The following TMCC2 variants were observed in gnomAD, a reference collection of about 807,000 sequenced individuals.
The protein encoded by TMCC2 is transmembrane and coiled-coil domains protein 2.
In TMCC2, 16 loss-of-function variants were observed where a neutral mutation model predicts 49.4. The observed-to-expected ratio is 0.32, with a 90% confidence interval of 0.22 to 0.49. The LOEUF (loss-of-function observed/expected upper bound fraction) is 0.49, where lower values mean the gene tolerates loss of function less well. TMCC2 is among the 20% of genes least tolerant of loss of function. The probability of loss-of-function intolerance (pLI) is 0.99; values close to 1 mark genes in which losing one functional copy is unlikely to be tolerated. For missense variants in TMCC2, 762 were observed against 989.8 expected (o/e 0.77, Z 3.09); for synonymous variants, 397 against 434.1 (o/e 0.91, Z 1.06).
At chr1:205,251,866 A>T (rs76133172) in intron 2 of TMCC2, among the ~76,000 whole-genome samples, 2 of 152,194 alleles carry the variant, frequency 1.3e-5, no homozygotes, top group Non-Finnish European at 2.9e-5. Context: ...AGCTCATGGT[A>T]TGCTCTGAGC....
At chr1:205,246,745 G>T in intron 2 of TMCC2, 2 of 1,523,324 alleles carry the variant, frequency 1.3e-6, no homozygotes, top group Non-Finnish European at 1.8e-6. Flanking sequence ...TGTCAAGCAG[G>T]AGTCTCTGGT....
intron 4 of TMCC2, chr1:205,271,484 G>A (rs936574712): frequency 8.5e-6 from 6 of 708,010 alleles, no homozygotes; most frequent in Non-Finnish European, 1.4e-5. Flanking sequence ...ACAGGGCAGA[G>A]GCCACCATGC....
In TMCC2 at chr1:205,269,848, C is replaced by A; in HGVS notation, c.1646C>A (p.Thr549Asn). 1 of 1,613,952 alleles carries A rather than the reference C, an allele frequency of 6.2e-7. No individual in the cohort carries two copies. The part of the protein sequence containing the change: ...DLKTQLQRDY[T>N]YMTQCLQEER... Reference sequence around the variant, plus strand: ...AAGACTCAGCTGCAGAGGGACTACACCTACATGACCCAGTGCCTGCAGGAG... The same window carrying A: ...AAGACTCAGCTGCAGAGGGACTACAACTACATGACCCAGTGCCTGCAGGAG... Residue 549 changes from threonine to asparagine, a missense_variant, in exon 3 of 5, where the codon ACC becomes AAC. Physicochemically the swap from Thr to Asn is moderately conservative, Grantham distance 65. Transcript: ENST00000358024.
rs1037978749 is a variant in TMCC2 at position 205,269,013 on chromosome 1, A to G, written c.811A>G (p.Ile271Val). The change falls in exon 3 of 5, where the codon ATC (isoleucine) becomes GTC (valine). Residue 271 changes from isoleucine (I) to valine (V), a missense_variant. Transcript: ENST00000358024. ...CGGCCATGGTGACACCGACGGCCCC[A>G]TCAGCCTGGACGTGCCCGATGGGGC... is the stretch of plus-strand genomic sequence containing the variant. ...PAGHGDTDGPISLDVPDGAPD... is the reference protein window; with the variant it reads ...PAGHGDTDGPVSLDVPDGAPD... 9.9e-6 allele frequency: 16 copies of G among 1,613,260 alleles called. No homozygotes were observed. The highest frequency in any genetic ancestry group is 1.4e-5 in the Non-Finnish European group (16 of 1,179,994).
Position 205,272,561 on chromosome 1 carries a change from G to T in TMCC2, c.*437G>T. ...GGTGGAGATGGTGAGGATGAAGGCT[G>T]GAGAGTGAGGGAGGAGGCTCTGCTG... On this transcript the variant is annotated 3_prime_UTR_variant, in exon 5 of 5. Coordinates refer to ENST00000358024, the MANE Select transcript of TMCC2 (RefSeq NM_014858.4). The T allele has an allele frequency of 5.5e-6, 1 of 182,884 alleles. No individual in the cohort carries two copies. The allele number at this position is 182,884 out of a possible 1,614,324, so 11.3% of individuals were successfully genotyped here.
rs1384618655 is a variant in TMCC2 at position 205,264,222 on chromosome 1, A to G, written c.748-4728A>G. 2.6e-5 allele frequency among the ~76,000 whole-genome samples: 4 copies of G among 152,244 alleles called. No individual in the cohort carries two copies. Among genetic ancestry groups the G allele is most frequent in the Non-Finnish European group, 5.9e-5 (4 of 68,048 alleles). ...TAGTATTTGCATAGAACCTGCACAC[A>G]TCCTCCCTTTAAATCATCTCTAGAT... On this transcript the variant is annotated intron_variant, in intron 2 of 4. Coordinates refer to ENST00000358024, the MANE Select transcript of TMCC2 (RefSeq NM_014858.4). This position sits in a 1 kb window ranked among gnomAD's most constrained non-coding sequence, Gnocchi z 4.2.
At chr1:205,231,325 C>G (rs1247432371) in intron 1 of TMCC2, among the ~76,000 whole-genome samples, 1 of 152,054 alleles carries the variant, frequency 6.6e-6, no homozygotes, top group Non-Finnish European at 1.5e-5. Flanking sequence ...GAGACAGAGT[C>G]TTGCTCTGTC....
intron 2 of TMCC2, chr1:205,256,468 G>A: frequency 6.6e-7 from 1 of 1,521,874 alleles, no homozygotes; most frequent in East Asian, 2.5e-5. Flanking sequence ...GGGCAATGCT[G>A]GCAGAGACTG....
At chr1:205,259,921 T>C (rs939537340) in intron 2 of TMCC2, among the ~76,000 whole-genome samples, 1 of 152,126 alleles carries the variant, frequency 6.6e-6, no homozygotes, top group Non-Finnish European at 1.5e-5. Context: ...ATAGGGAAAG[T>C]TGGGTCTTGG....
At chr1:205,235,997 A>G (rs1278952057) in intron 1 of TMCC2, among the ~76,000 whole-genome samples, 1 of 150,976 alleles carries the variant, frequency 6.6e-6, no homozygotes, top group Non-Finnish European at 1.5e-5. Flanking sequence ...TGAACCCGGC[A>G]GGCAAAGGTT....
intron 1 of TMCC2, among the ~76,000 whole-genome samples, chr1:205,240,522 A>T (rs1160219427): frequency 6.6e-6 from 1 of 152,266 alleles, no homozygotes; most frequent in African/African-American, 2.4e-5. Flanking sequence ...TGCCAACCAT[A>T]TCAGGAATGA....
At chr1:205,238,064 CA>C (rs948573012) in intron 1 of TMCC2, among the ~76,000 whole-genome samples, 2 of 152,160 alleles carry the variant, frequency 1.3e-5, no homozygotes, top group African/African-American at 4.8e-5. Context: ...TGGTTTCTGG[CA>C]GCCAGGGAAA....
At chr1:205,228,803 G>T in intron 1 of TMCC2, 32 bp downstream of exon 1, 2 of 1,557,496 alleles carry the variant, frequency 1.3e-6, no homozygotes, top group African/African-American at 1.4e-5. Context: ...GGCAAGCCCA[G>T]CCCGCGACTT....
chr1:205,246,591 G>A (rs1558647893), intron 2 of TMCC2: 1 of 1,550,028 alleles, frequency 6.5e-7, no homozygotes, highest in East Asian at 2.4e-5. Flanking sequence ...GTGGCTTTGT[G>A]AAATTGAGAG....
At chr1:205,259,678 ACT>A (rs1661025151) in intron 2 of TMCC2, among the ~76,000 whole-genome samples, 1 of 152,170 alleles carries the variant, frequency 6.6e-6, no homozygotes, top group Non-Finnish European at 1.5e-5. Context: ...ACACGAGGAC[ACT>A]GAGTTCAGGC....
At chr1:205,248,752 C>T (rs1013471132) in intron 2 of TMCC2, among the ~76,000 whole-genome samples, 1 of 151,824 alleles carries the variant, frequency 6.6e-6, no homozygotes, top group African/African-American at 2.4e-5. Context: ...TCCTGGAAAA[C>T]CTAGGGTCAG....
intron 2 of TMCC2, among the ~76,000 whole-genome samples, chr1:205,258,430 C>T (rs994371663): frequency 4.6e-5 from 7 of 152,134 alleles, no homozygotes; most frequent in Admixed American, 2.6e-4. Flanking sequence ...TGTCTGAGCA[C>T]GTGGTGCCTG....
At position 205,228,720 on chromosome 1, in the gene TMCC2, C is replaced by T; in HGVS notation, c.156C>T (p.Gly52=). Residue 52 remains glycine (G), a synonymous_variant, in exon 1 of 5, where the codon GGC becomes GGT. Coordinates refer to ENST00000358024, the MANE Select transcript of TMCC2 (RefSeq NM_014858.4). ...NSAGGPTSDA[G]AAAAPNPGPR... is the part of the protein sequence containing the mutation. ...CTGGCGGGCCAACTTCAGACGCCGG[C>T]GCTGCCGCGGCGCCCAACCCAGGTC... The T allele has an allele frequency of 6.2e-7, 1 of 1,610,904 alleles. No individual in the cohort carries two copies. The highest frequency in any genetic ancestry group is 8.5e-7 in the Non-Finnish European group (1 of 1,179,242).
intron 1 of TMCC2, chr1:205,236,754 T>A (rs1274622744): frequency 6.6e-6 from 1 of 152,304 alleles, no homozygotes; most frequent in Non-Finnish European, 1.5e-5. Flanking sequence ...GCGAGATCGC[T>A]GCAGACTGGT....
Sources: gnomAD v4.1 joint callset for allele counts (sites outside exome capture counted in the v4.1 genomes callset) on GRCh38, gnomAD v4.1.1 for gene constraint, Gnocchi (gnomAD v3.1) non-coding constraint, MANE v1.5 for transcripts, NCBI Gene and HGNC (gene_info 2026-07-23, HGNC 2026-07-21) for gene names.